The following GABBR2 variants were observed in gnomAD, a reference collection of about 807,000 sequenced individuals.
The protein encoded by GABBR2 is G-protein coupled receptor 51.
In GABBR2, 23 loss-of-function variants were observed where a neutral mutation model predicts 105.6. That is an observed-to-expected ratio of 0.22 (90% CI 0.16 to 0.31). The LOEUF (loss-of-function observed/expected upper bound fraction) is 0.31, where lower values mean the gene tolerates loss of function less well. Among genes scored for constraint, GABBR2 ranks in the 10% least tolerant of loss-of-function variants. The pLI, the probability that GABBR2 is intolerant of heterozygous loss-of-function variation, is 1.00. For missense variants in GABBR2, 734 were observed against 1,245.5 expected (o/e 0.59, Z 6.18); for synonymous variants, 478 against 499.7 (o/e 0.96, Z 0.58).
At chr9:98,412,667 C>G (rs548419350) in intron 7 of GABBR2, among the ~76,000 whole-genome samples, 1 of 152,198 alleles carries the variant, frequency 6.6e-6, no homozygotes, top group Admixed American at 6.5e-5. Flanking sequence ...TTCCCCAAAG[C>G]GGGTCAGAGA....
intron 3 of GABBR2, among the ~76,000 whole-genome samples, chr9:98,526,619 C>T (rs1447189503): frequency 6.6e-6 from 1 of 152,138 alleles, no homozygotes; most frequent in Non-Finnish European, 1.5e-5. Flanking sequence ...GTTTCCCCCA[C>T]TAGAATGTAA....
At chr9:98,593,099 G>T (rs13301129) in intron 1 of GABBR2, among the ~76,000 whole-genome samples, 5 of 151,876 alleles carry the variant, frequency 3.3e-5, no homozygotes, top group Admixed American at 6.6e-5. Context: ...TCCCACCTAG[G>T]TCTCCTAAAG....
chr9:98,296,265 A>C (rs1361340952), intron 17 of GABBR2, among the ~76,000 whole-genome samples: 2 of 152,214 alleles, frequency 1.3e-5, no homozygotes, highest in East Asian at 1.9e-4. Context: ...CAGAGGATGC[A>C]GCAATCCAGG....
At chr9:98,297,778 T>G (rs1418681336) in intron 17 of GABBR2, among the ~76,000 whole-genome samples, 2 of 151,480 alleles carry the variant, frequency 1.3e-5, no homozygotes, top group Non-Finnish European at 2.9e-5. Context: ...TCCCAGCACT[T>G]TGGGAGGCTG....
chr9:98,521,896 T>A (rs2779575), intron 3 of GABBR2, among the ~76,000 whole-genome samples: 1 of 152,160 alleles, frequency 6.6e-6, no homozygotes, highest in Non-Finnish European at 1.5e-5. Context: ...AACAAGGAAT[T>A]CAAGCAAAGA....
intron 13 of GABBR2, among the ~76,000 whole-genome samples, chr9:98,353,442 C>T (rs1483664945): frequency 6.6e-6 from 1 of 152,152 alleles, no homozygotes; most frequent in Non-Finnish European, 1.5e-5. Flanking sequence ...GACCTCCTCC[C>T]ACGAATCTCA....
intron 2 of GABBR2, among the ~76,000 whole-genome samples, chr9:98,568,065 G>A (rs1036606855): frequency 6.6e-6 from 1 of 152,210 alleles, no homozygotes; most frequent in African/African-American, 2.4e-5. Context: ...CTGAAGATCG[G>A]AGGGTGCTGC....
intron 1 of GABBR2, among the ~76,000 whole-genome samples, chr9:98,680,875 G>C (rs1830536730): frequency 6.6e-6 from 1 of 152,194 alleles, no homozygotes; most frequent in Non-Finnish European, 1.5e-5. Flanking sequence ...AGAGAAATGA[G>C]TCATTCAACA....
chr9:98,708,810 G>A lies in GABBR2; in HGVS notation c.-73C>T, dbSNP rs2131893384. The A allele has an allele frequency of 1.1e-6, 1 of 928,538 alleles. No individual in the cohort carries two copies. The highest frequency in any genetic ancestry group is 1.3e-6 in the Non-Finnish European group (1 of 779,754). 57.5% of individuals were successfully genotyped at this position (928,538 alleles called of 1,614,324 possible). A position where few individuals can be genotyped will look rare whatever the true frequency, so the allele number is the denominator to read the frequency against. ...GGCCCGGCCCGCCGCCCCGCGCCAA[G>A]GTCTTCCCGCGGCGCCCGCGCAATG... On this transcript the variant is annotated 5_prime_UTR_variant, in exon 1 of 19. Transcript: ENST00000259455.
intron 16 of GABBR2, chr9:98,302,955 G>C (rs1261430865): frequency 2.4e-6 from 1 of 419,590 alleles, no homozygotes; most frequent in Non-Finnish European, 4.2e-6. Flanking sequence ...TGATAATCCA[G>C]AAGCTCACAA....
In GABBR2 at chr9:98,412,732, A is replaced by T. The variant is rs141790774; in HGVS notation, c.1237-6591T>A. ...CAGTGTTCCCTCCAAGTTTCTGTGT[A>T]AAAACTGGCTATGAAGAAATCATGT... On this transcript the variant is annotated intron_variant, in intron 7 of 18. Coordinates refer to ENST00000259455, the MANE Select transcript of GABBR2 (RefSeq NM_005458.8). Among the ~76,000 whole-genome samples, 302 of 152,332 alleles carry T rather than the reference A, an allele frequency of 2.0e-3. 1 individual carries two copies. Among genetic ancestry groups the T allele is most frequent in the African/African-American group, 6.6e-3 (275 of 41,578 alleles).
chr9:98,546,915 A>G lies in GABBR2; in HGVS notation c.460-4872T>C, dbSNP rs541527331. Among the ~76,000 whole-genome samples, 160 of 120,484 alleles carry G rather than the reference A, an allele frequency of 1.3e-3. 46 individuals are homozygous for G. Among genetic ancestry groups the G allele is most frequent in the Non-Finnish European group, 2.6e-3 (140 of 53,864 alleles). The allele number at this position is 120,484 out of a possible 152,430, so 79.0% of individuals were successfully genotyped here. ...CCCGCTGGAGTACTTTTTAATAGGT[A>G]CCTTGAGAAGGATAAAGGGTTGACA... is the stretch of plus-strand genomic sequence containing the variant. On this transcript the variant is annotated intron_variant, in intron 2 of 18. Coordinates refer to ENST00000259455, the MANE Select transcript of GABBR2 (RefSeq NM_005458.8).
chr9:98,629,984 A>G (rs540199956), intron 1 of GABBR2, among the ~76,000 whole-genome samples: 2 of 152,146 alleles, frequency 1.3e-5, no homozygotes, highest in South Asian at 4.1e-4. Context: ...ATAAATTAAA[A>G]CACTTTTGTG....
chr9:98,421,047 TAGAAGAGAAC>T (rs1209690562), intron 7 of GABBR2, among the ~76,000 whole-genome samples: 3 of 152,170 alleles, frequency 2.0e-5, no homozygotes, highest in Non-Finnish European at 4.4e-5. Flanking sequence ...AACAAGCCAG[TAGAAGAGAAC>T]AGAACCATGG....
At chr9:98,360,168 T>C (rs899881950) in intron 13 of GABBR2, among the ~76,000 whole-genome samples, 1 of 152,168 alleles carries the variant, frequency 6.6e-6, no homozygotes, top group African/African-American at 2.4e-5. Flanking sequence ...AAGCCTAGGC[T>C]TTCTGTTTGG....
At chr9:98,466,819 C>G (rs1053737716) in intron 6 of GABBR2, among the ~76,000 whole-genome samples, 1 of 152,158 alleles carries the variant, frequency 6.6e-6, no homozygotes, top group Non-Finnish European at 1.5e-5. Flanking sequence ...ATTTCTTTCT[C>G]ATATAAAAGA....
intron 11 of GABBR2, among the ~76,000 whole-genome samples, chr9:98,383,421 G>A (rs1426239137): frequency 6.6e-6 from 1 of 152,244 alleles, no homozygotes; most frequent in Non-Finnish European, 1.5e-5. Context: ...CATGCCAGAA[G>A]GCCATACTCT....
chr9:98,392,823 ACT>A (rs1832205868), intron 9 of GABBR2, among the ~76,000 whole-genome samples: 1 of 151,046 alleles, frequency 6.6e-6, no homozygotes, highest in African/African-American at 2.4e-5. Flanking sequence ...CCATCTGTCT[ACT>A]CATCCACTCA....
chr9:98,428,803 A>G (rs551079800), intron 7 of GABBR2, among the ~76,000 whole-genome samples: 3 of 152,328 alleles, frequency 2.0e-5, no homozygotes, highest in African/African-American at 7.2e-5. Context: ...GATGAAAAGC[A>G]GAAGCAACTG....
Sources: gnomAD v4.1 joint callset for allele counts (sites outside exome capture counted in the v4.1 genomes callset) on GRCh38, gnomAD v4.1.1 for gene constraint, MANE v1.5 for transcripts, NCBI Gene and HGNC (gene_info 2026-07-23, HGNC 2026-07-21) for gene names.